ITPR1: variants seen among roughly 807,000 people sequenced by gnomAD.
ITPR1 encodes the protein inositol 1,4,5-trisphosphate receptor type 1, also known as inositol 1,4,5-trisphosphate-gated calcium channel ITPR1.
ITPR1 carries 96 observed loss-of-function variants against 318.4 expected under a neutral mutation model. That is an observed-to-expected ratio of 0.30 (90% CI 0.26 to 0.36). The LOEUF (loss-of-function observed/expected upper bound fraction) is 0.36. Among genes scored for constraint, ITPR1 ranks in the 10% least tolerant of loss-of-function variants. The pLI is 1.00. For synonymous variants in ITPR1, 1,312 were observed against 1,289.9 expected (o/e 1.02, Z -0.37); for missense variants, 2,440 against 3,460.2 (o/e 0.71, Z 7.40).
At chr3:4,502,982 G>T (rs1026746782) in intron 2 of ITPR1, among the ~76,000 whole-genome samples, 4 of 152,044 alleles carry the variant, frequency 2.6e-5, no homozygotes, top group African/African-American at 9.7e-5. Context: ...CTACTTGGGA[G>T]GCTGAGGCAG....
chr3:4,706,463 C>T (rs1020964142), intron 37 of ITPR1, 112 bp downstream of exon 37: 18 of 922,724 alleles, frequency 2.0e-5, no homozygotes, highest in East Asian at 8.0e-5. Flanking sequence ...GGGAAGATGT[C>T]GGTGTGCTGA....
intron 4 of ITPR1, among the ~76,000 whole-genome samples, chr3:4,593,883 G>T (rs2125070910): frequency 6.6e-6 from 1 of 152,260 alleles, no homozygotes; most frequent in African/African-American, 2.4e-5. Context: ...CTTTATTCTT[G>T]GCAATGAGAG....
At chr3:4,661,156 A>T (rs2093824240) in intron 14 of ITPR1, 69 bp downstream of exon 14, 1 of 866,882 alleles carries the variant, frequency 1.2e-6, no homozygotes, top group South Asian at 1.4e-5. Context: ...CTTTGAGGAC[A>T]GATCAGGGAG....
chr3:4,597,122 G>A (rs1255743829), intron 4 of ITPR1, among the ~76,000 whole-genome samples: 2 of 152,166 alleles, frequency 1.3e-5, no homozygotes, highest in Non-Finnish European at 2.9e-5. Flanking sequence ...GCCCCGTGGT[G>A]CCAAATCCTG....
At chr3:4,696,562 A>G (rs974960182) in intron 33 of ITPR1, among the ~76,000 whole-genome samples, 2 of 152,012 alleles carry the variant, frequency 1.3e-5, no homozygotes, top group Admixed American at 6.6e-5. Flanking sequence ...GAATAATGCT[A>G]CTGTGCACAC....
chr3:4,545,025 G>A (rs1251215668), intron 4 of ITPR1, among the ~76,000 whole-genome samples: 1 of 151,888 alleles, frequency 6.6e-6, no homozygotes. Context: ...CGAACTCCTG[G>A]GCTCTAGCAA....
Position 4,685,109 on chromosome 3 carries a change from C to T in ITPR1, c.3605C>T (p.Ala1202Val). 1 of 1,611,028 alleles carries T rather than the reference C, an allele frequency of 6.2e-7. No individual in the cohort carries two copies. Among genetic ancestry groups the T allele is most frequent in the South Asian group, 1.1e-5 (1 of 90,462 alleles). Residue 1202 changes from alanine to valine, a missense_variant, in exon 30 of 62, where the codon GCC becomes GTC. Coordinates refer to ENST00000649015, the MANE Select transcript of ITPR1 (RefSeq NM_001378452.1). ...RLSKLCVQES[A>V]SVRKSRKQQQ... ...AGCAAACTCTGTGTTCAAGAGAGTG[C>T]CTCAGTGAGAAAGAGCAGGAAGCAG... is the stretch of plus-strand genomic sequence containing the variant.
intron 40 of ITPR1, among the ~76,000 whole-genome samples, chr3:4,720,196 C>T (rs534141300): frequency 5.3e-5 from 8 of 152,320 alleles, no homozygotes; most frequent in African/African-American, 1.9e-4. Context: ...GGCACAGTGT[C>T]TGCCATTCTG....
At chr3:4,822,826 A>T (rs2049817494) in intron 60 of ITPR1, among the ~76,000 whole-genome samples, 1 of 152,164 alleles carries the variant, frequency 6.6e-6, no homozygotes, top group Non-Finnish European at 1.5e-5. Context: ...GCCCTGGACA[A>T]GCCTGGGCTT....
At chr3:4,553,640 G>A (rs932020041) in intron 4 of ITPR1, among the ~76,000 whole-genome samples, 10 of 134,312 alleles carry the variant, frequency 7.4e-5, no homozygotes, top group Admixed American at 1.7e-4. Flanking sequence ...CCTTCTTGTC[G>A]CCCAGGCTGG....
chr3:4,829,853 ACTCC>A (rs148669080), intron 60 of ITPR1, among the ~76,000 whole-genome samples: 12 of 130,152 alleles, frequency 9.2e-5, no homozygotes, highest in African/African-American at 3.0e-4. Flanking sequence ...CCTATTTATC[ACTCC>A]CTCCCTCCCT....
intron 4 of ITPR1, among the ~76,000 whole-genome samples, chr3:4,617,034 G>C (rs774804105): frequency 2.0e-4 from 30 of 151,934 alleles, no homozygotes; most frequent in Non-Finnish European, 4.1e-4. Context: ...ACCTATGTGA[G>C]AATTTCTTTG....
intron 19 of ITPR1, 78 bp downstream of exon 19, chr3:4,669,851 C>T (rs2094034495): frequency 1.5e-6 from 2 of 1,340,932 alleles, no homozygotes; most frequent in South Asian, 1.9e-5. Context: ...AAAACCTAGC[C>T]CTATCATTTT....
At position 4,800,486 on chromosome 3, in the gene ITPR1, C is replaced by T. The variant is rs369778265; in HGVS notation, c.6993C>T (p.Ile2331=). ...CAGCCATGCTCATCTCTCTGGCCAT[C>T]GTCATTGCCCTCCCCAAGCCCCATG... The part of the protein sequence containing the change: ...LWTAMLISLA[I]VIALPKPHGI... Residue 2331 remains isoleucine (I), a synonymous_variant, in exon 54 of 62, where the codon ATC becomes ATT. Transcript: ENST00000649015. 40 of 1,614,014 alleles carry T rather than the reference C, an allele frequency of 2.5e-5. No individual in the cohort carries two copies. Among genetic ancestry groups the T allele is most frequent in the South Asian group, 1.4e-4 (13 of 91,088 alleles).
chr3:4,773,239 G>C (rs900105366), intron 46 of ITPR1, among the ~76,000 whole-genome samples: 2 of 152,248 alleles, frequency 1.3e-5, no homozygotes, highest in Non-Finnish European at 2.9e-5. Flanking sequence ...GAGTCATTCA[G>C]GGTGGAGGCC....
chr3:4,524,311 T>TTTG (rs1426183609), intron 4 of ITPR1, among the ~76,000 whole-genome samples: 2 of 150,150 alleles, frequency 1.3e-5, no homozygotes, highest in Non-Finnish European at 3.0e-5. Context: ...GTTTTTTTTT[T>TTTG]TTTTTTTTTT....
intron 4 of ITPR1, among the ~76,000 whole-genome samples, chr3:4,535,460 T>A (rs1194534766): frequency 1.4e-5 from 2 of 146,282 alleles, no homozygotes; most frequent in African/African-American, 5.1e-5. Context: ...TTTTTTTTTT[T>A]GAGACGGAGT....
At chr3:4,822,624 G>A (rs2049803210) in intron 60 of ITPR1, among the ~76,000 whole-genome samples, 1 of 152,174 alleles carries the variant, frequency 6.6e-6, no homozygotes, top group Non-Finnish European at 1.5e-5. Context: ...TGAGTTCTGT[G>A]TATTCAAGGC....
At chr3:4,816,723 A>G (rs372038104) in intron 59 of ITPR1, among the ~76,000 whole-genome samples, 2 of 152,276 alleles carry the variant, frequency 1.3e-5, no homozygotes. Context: ...TTAAGGTGCT[A>G]ATTGCCAGGT....
Sources: allele counts gnomAD v4.1 joint callset (sites outside exome capture counted in the v4.1 genomes callset), GRCh38; gene constraint gnomAD v4.1.1; transcripts MANE v1.5; gene names NCBI Gene and HGNC (gene_info 2026-07-23, HGNC 2026-07-21).